GPR63: variants seen among roughly 807,000 people sequenced by gnomAD.
GPR63 encodes the protein probable G protein-coupled receptor 63.
GPR63 carries 12 observed loss-of-function variants against 23.1 expected under a neutral mutation model. That is an observed-to-expected ratio of 0.52 (90% CI 0.33 to 0.84). The LOEUF (loss-of-function observed/expected upper bound fraction) is 0.84, where lower values mean the gene tolerates loss of function less well. Among genes scored for constraint, GPR63 ranks in the 40% least tolerant of loss-of-function variants. The probability of loss-of-function intolerance (pLI) is 0.02; values close to 1 mark genes in which losing one functional copy is unlikely to be tolerated. For synonymous variants in GPR63, 172 were observed against 191.1 expected, an observed-to-expected ratio of 0.90 and a Z score of 0.82; for missense variants, 472 against 515.6, an observed-to-expected ratio of 0.92 and a Z score of 0.82.
In GPR63 at chr6:96,798,655, G is replaced by C. The variant is rs774303331; in HGVS notation, c.1077C>G (p.Leu359=). Residue 359 remains leucine (L), a synonymous_variant, in exon 2 of 2, where the codon CTC becomes CTG. Coordinates refer to ENST00000229955, the MANE Select transcript of GPR63 (RefSeq NM_030784.4). The stretch of plus-strand genomic sequence containing the variant: ...GATTCAATGCAGACTTGAGGTAGCA[G>C]AGCCACAGTAGCCAGGTGCTAATCT... ...FFEISTWLLW[L]CYLKSALNPL... The C allele has an allele frequency of 6.2e-7, 1 of 1,614,216 alleles. No individual in the cohort carries two copies. Among genetic ancestry groups the C allele is most frequent in the Non-Finnish European group, 8.5e-7 (1 of 1,180,030 alleles).
intron 1 of GPR63, among the ~76,000 whole-genome samples, chr6:96,836,184 C>A (rs1395662196): frequency 2.6e-5 from 4 of 151,806 alleles, no homozygotes; most frequent in African/African-American, 7.3e-5. Context: ...CCACGGGACA[C>A]GTGGGAAAAA....
At chr6:96,826,027 C>T (rs1475993103) in intron 1 of GPR63, among the ~76,000 whole-genome samples, 1 of 152,018 alleles carries the variant, frequency 6.6e-6, no homozygotes, top group African/African-American at 2.4e-5. Flanking sequence ...TAAAAACAAA[C>T]ATTTCTTTAA....
At chr6:96,820,421 T>G (rs1203122647) in intron 1 of GPR63, among the ~76,000 whole-genome samples, 1 of 152,188 alleles carries the variant, frequency 6.6e-6, no homozygotes, top group Non-Finnish European at 1.5e-5. Context: ...TAGGATTTTG[T>G]TATCCCCTAA....
At chr6:96,822,589 T>C (rs993627772) in intron 1 of GPR63, among the ~76,000 whole-genome samples, 3 of 152,204 alleles carry the variant, frequency 2.0e-5, no homozygotes, top group Non-Finnish European at 4.4e-5. Context: ...CTTTGGCATA[T>C]ACTTTTCAAC....
At chr6:96,813,582 A>C (rs2127952005) in intron 1 of GPR63, among the ~76,000 whole-genome samples, 1 of 152,200 alleles carries the variant, frequency 6.6e-6, no homozygotes, top group East Asian at 1.9e-4. Flanking sequence ...CACATGGTTT[A>C]TCCTAGAAAA....
chr6:96,802,931 G>A (rs1773808718), intron 1 of GPR63, among the ~76,000 whole-genome samples: 1 of 152,062 alleles, frequency 6.6e-6, no homozygotes, highest in African/African-American at 2.4e-5. Flanking sequence ...TTACCACAGA[G>A]TATATAGGCA....
At chr6:96,821,688 C>G (rs1774316916) in intron 1 of GPR63, among the ~76,000 whole-genome samples, 1 of 152,070 alleles carries the variant, frequency 6.6e-6, no homozygotes. Context: ...CCTGAGAGCT[C>G]CAGCCAAGTC....
Position 96,797,004 on chromosome 6 carries a change from TC to T in GPR63, c.*1467del, listed in dbSNP as rs1773598014. Reference sequence around the variant, plus strand: ...CAGGCAGATCGTTTGAGCTCAGGACTCTGAGACCAGCCTGGGCAACATGGTG... The same window carrying T: ...CAGGCAGATCGTTTGAGCTCAGGACTTGAGACCAGCCTGGGCAACATGGTG... On this transcript the variant is annotated 3_prime_UTR_variant, in exon 2 of 2. Coordinates refer to ENST00000229955, the MANE Select transcript of GPR63 (RefSeq NM_030784.4). 6.6e-6 allele frequency: 1 copy of T among 152,198 alleles called. No individual in the cohort carries two copies. Among genetic ancestry groups the T allele is most frequent in the East Asian group, 1.9e-4 (1 of 5,184 alleles). 9.4% of individuals were successfully genotyped at this position (152,198 alleles called of 1,614,324 possible).
At position 96,795,877 on chromosome 6, in the gene GPR63, T is replaced by C. The variant is rs1390011104; in HGVS notation, c.*2595A>G. 6.6e-6 allele frequency: 1 copy of C among 152,214 alleles called. No individual in the cohort carries two copies. Among genetic ancestry groups the C allele is most frequent in the Admixed American group, 6.5e-5 (1 of 15,278 alleles). 9.4% of individuals were successfully genotyped at this position (152,214 alleles called of 1,614,324 possible). On this transcript the variant is annotated 3_prime_UTR_variant, in exon 2 of 2. Coordinates refer to ENST00000229955, the MANE Select transcript of GPR63 (RefSeq NM_030784.4). ...ATGGAGAGCATAATACACTTCAAAA[T>C]GCTACTAGTATCTACTACAGTGCTT...
In GPR63 at chr6:96,798,012, T is replaced by C. The variant is rs1773636812; in HGVS notation, c.*460A>G. On this transcript the variant is annotated 3_prime_UTR_variant, in exon 2 of 2. Coordinates refer to ENST00000229955, the MANE Select transcript of GPR63 (RefSeq NM_030784.4). ...TCGCTAACCTTCCTGGGTTAGTTTT[T>C]AAAATAAAACTAAATATATATTGAT... The C allele has an allele frequency of 6.5e-6, 1 of 154,666 alleles. No homozygotes were observed. The highest frequency in any genetic ancestry group is 1.4e-5 in the Non-Finnish European group (1 of 69,438). 9.6% of individuals were successfully genotyped at this position (154,666 alleles called of 1,614,324 possible). A position where few individuals can be genotyped will look rare whatever the true frequency, so the allele number is the denominator to read the frequency against.
chr6:96,818,654 A>C (rs1418373747), intron 1 of GPR63, among the ~76,000 whole-genome samples: 1 of 152,238 alleles, frequency 6.6e-6, no homozygotes, highest in African/African-American at 2.4e-5. Context: ...CTGTATACAT[A>C]ATATGTTCCC....
At chr6:96,805,886 G>A (rs1773884480) in intron 1 of GPR63, among the ~76,000 whole-genome samples, 1 of 152,170 alleles carries the variant, frequency 6.6e-6, no homozygotes, top group Non-Finnish European at 1.5e-5. Flanking sequence ...CAAAACAGAT[G>A]GATTTTGAAG....
rs757278569 is a variant in GPR63 at position 96,798,770 on chromosome 6, G to C, written c.962C>G (p.Ala321Gly). 1.2e-6 allele frequency: 2 copies of C among 1,614,174 alleles called. No individual in the cohort carries two copies. The highest frequency in any genetic ancestry group is 2.2e-5 in the South Asian group (2 of 91,084). ...RAFTTILILF[A>G]VFIVCWAPFT... ...TGGGGCCCAGCAGACAATGAAGACA[G>C]CAAAGAGAATCAAAATAGTGGTGAA... Residue 321 changes from alanine (A) to glycine (G), a missense_variant, in exon 2 of 2, where the codon GCT becomes GGT. Coordinates refer to ENST00000229955, the MANE Select transcript of GPR63 (RefSeq NM_030784.4).
intron 1 of GPR63, among the ~76,000 whole-genome samples, chr6:96,830,219 T>G (rs1398790662): frequency 6.6e-6 from 1 of 152,206 alleles, no homozygotes; most frequent in Non-Finnish European, 1.5e-5. Context: ...TTCAATTTTT[T>G]AAACTTAAAG....
chr6:96,815,112 C>A (rs1173439404), intron 1 of GPR63, among the ~76,000 whole-genome samples: 2 of 152,204 alleles, frequency 1.3e-5, no homozygotes, highest in East Asian at 3.8e-4. Flanking sequence ...AACACTTCAA[C>A]TCCTTCAAAA....
At chr6:96,820,319 A>G (rs147939510) in intron 1 of GPR63, among the ~76,000 whole-genome samples, 2 of 152,302 alleles carry the variant, frequency 1.3e-5, no homozygotes, top group African/African-American at 4.8e-5. Context: ...TGACAGGAGG[A>G]ACTACTCAAA....
At position 96,798,381 on chromosome 6, in the gene GPR63, T is replaced by C. The variant is rs1562111153; in HGVS notation, c.*91A>G. The C allele has an allele frequency of 4.6e-6, 6 of 1,306,646 alleles. No individual in the cohort carries two copies. Among genetic ancestry groups the C allele is most frequent in the African/African-American group, 3.0e-5 (2 of 67,014 alleles). The allele number at this position is 1,306,646 out of a possible 1,614,324, so 80.9% of individuals were successfully genotyped here. A position where few individuals can be genotyped will look rare whatever the true frequency, so the allele number is the denominator to read the frequency against. Reference sequence around the variant, plus strand: ...CACACACATACATACACAAACCCTATAAAAAAAAATAAAGTGGAGAGGCTA... The same window carrying C: ...CACACACATACATACACAAACCCTACAAAAAAAAATAAAGTGGAGAGGCTA... On this transcript the variant is annotated 3_prime_UTR_variant, in exon 2 of 2. Coordinates refer to ENST00000229955, the MANE Select transcript of GPR63 (RefSeq NM_030784.4).
intron 1 of GPR63, among the ~76,000 whole-genome samples, chr6:96,813,323 T>C (rs1285412429): frequency 6.6e-6 from 1 of 152,200 alleles, no homozygotes; most frequent in East Asian, 1.9e-4. Flanking sequence ...TATCCTTGGA[T>C]ATATAAATTC....
intron 1 of GPR63, among the ~76,000 whole-genome samples, chr6:96,833,339 A>G (rs1206017672): frequency 6.6e-6 from 1 of 152,232 alleles, no homozygotes; most frequent in African/African-American, 2.4e-5. Context: ...CATGGGATAG[A>G]TTTAATTGAT....
Sources: gnomAD v4.1 joint callset for allele counts (sites outside exome capture counted in the v4.1 genomes callset) on GRCh38, gnomAD v4.1.1 for gene constraint, MANE v1.5 for transcripts, NCBI Gene and HGNC (gene_info 2026-07-23, HGNC 2026-07-21) for gene names.